The following RIN3 variants were observed in gnomAD, a reference collection of about 807,000 sequenced individuals.
RIN3 encodes the protein RAB5 interacting protein 3.
In RIN3, 54 loss-of-function variants were observed where a neutral mutation model predicts 76.3. The observed-to-expected ratio is 0.71, with a 90% CI of 0.57 to 0.89. The LOEUF is 0.89. Among genes scored for constraint, RIN3 ranks in the 40% least tolerant of loss-of-function variants. The pLI is 0.00. For synonymous variants in RIN3, 576 were observed against 564.0 expected (o/e 1.02, Z -0.30); for missense variants, 1,256 against 1,322.1 (o/e 0.95, Z 0.78).
At chr14:92,594,158 C>A (rs925797484) in intron 3 of RIN3, among the ~76,000 whole-genome samples, 1 of 151,670 alleles carries the variant, frequency 6.6e-6, no homozygotes, top group Non-Finnish European at 1.5e-5. Flanking sequence ...TCAGGCCAGG[C>A]ATGGTGGCTC....
rs113646355 is a variant in RIN3, at chr14:92,561,795, G to A, written c.249+5840G>A. The stretch of plus-strand genomic sequence containing the variant: ...CCTCCTAGGCTCAAGTGATTCTCCT[G>A]CCTCAGCTTCCTGAGTAGCTGGGAT... On this transcript the variant is annotated intron_variant, in intron 2 of 9. Transcript: ENST00000216487. 8.6e-3 allele frequency among the ~76,000 whole-genome samples: 1,316 copies of A among 152,222 alleles called. 15 individuals are homozygous for A. Among genetic ancestry groups the A allele is most frequent in the Non-Finnish European group, 0.011 (780 of 67,998 alleles).
intron 3 of RIN3, among the ~76,000 whole-genome samples, chr14:92,605,178 T>G (rs948106114): frequency 7.2e-5 from 11 of 152,148 alleles, no homozygotes; most frequent in African/African-American, 2.7e-4. Context: ...CCCAAAGTGC[T>G]AGGATTACAG....
chr14:92,675,996 A>G (rs1319241625), intron 7 of RIN3, among the ~76,000 whole-genome samples: 1 of 152,172 alleles, frequency 6.6e-6, no homozygotes, highest in Non-Finnish European at 1.5e-5. Flanking sequence ...CGCCAAAAAA[A>G]GGAAGAAGGC....
At chr14:92,658,217 A>G (rs1160832269) in intron 6 of RIN3, among the ~76,000 whole-genome samples, 17 of 152,206 alleles carry the variant, frequency 1.1e-4, no homozygotes, top group Admixed American at 1.1e-3. Context: ...CAGAGCGCCA[A>G]CTCCTGCTCC....
chr14:92,628,628 T>G (rs901536431), intron 4 of RIN3, among the ~76,000 whole-genome samples: 13 of 152,206 alleles, frequency 8.5e-5, no homozygotes, highest in African/African-American at 3.1e-4. Flanking sequence ...TTCCGTGAAC[T>G]TTAATGATAG....
chr14:92,555,710 G>C, intron 1 of RIN3, 41 bp from the exon 2 acceptor site: 1 of 1,600,324 alleles, frequency 6.2e-7, no homozygotes, highest in Non-Finnish European at 8.6e-7. Context: ...CCTTCTCTGG[G>C]CTGGCTGCAG....
intron 1 of RIN3, among the ~76,000 whole-genome samples, chr14:92,538,104 C>T (rs975052319): frequency 2.0e-5 from 3 of 152,066 alleles, no homozygotes; most frequent in Non-Finnish European, 4.4e-5. Context: ...GGATTACAGG[C>T]TTGAGCCACC....
At chr14:92,619,431 T>C (rs1886089461) in intron 4 of RIN3, among the ~76,000 whole-genome samples, 1 of 136,140 alleles carries the variant, frequency 7.3e-6, no homozygotes, top group African/African-American at 2.7e-5. Context: ...CTGTTTCTAG[T>C]AGTCTTTTTT....
At chr14:92,537,492 G>A (rs1039549804) in intron 1 of RIN3, among the ~76,000 whole-genome samples, 1 of 152,134 alleles carries the variant, frequency 6.6e-6, no homozygotes, top group Non-Finnish European at 1.5e-5. Context: ...ACATGCAACT[G>A]TACGTATAAG....
At chr14:92,533,574 G>A (rs562023635) in intron 1 of RIN3, among the ~76,000 whole-genome samples, 1 of 152,270 alleles carries the variant, frequency 6.6e-6, no homozygotes, top group South Asian at 2.1e-4. Flanking sequence ...GCAGCAACCT[G>A]GATGGAACTG....
At chr14:92,536,399 A>G (rs1173432398) in intron 1 of RIN3, among the ~76,000 whole-genome samples, 1 of 152,174 alleles carries the variant, frequency 6.6e-6, no homozygotes, top group Non-Finnish European at 1.5e-5. Context: ...ATAAGCACTC[A>G]TCAGTAGGAA....
At chr14:92,613,260 T>G (rs542467244) in intron 3 of RIN3, among the ~76,000 whole-genome samples, 1 of 151,976 alleles carries the variant, frequency 6.6e-6, no homozygotes, top group African/African-American at 2.4e-5. Context: ...GTGGAAGGAG[T>G]CGGCAATGCA....
At position 92,688,176 on chromosome 14, in the gene RIN3, G is replaced by C; in HGVS notation, c.2882G>C (p.Arg961Pro). The change falls in exon 10 of 10, where the codon CGG becomes CCG. Residue 961 changes from arginine (R) to proline (P), a missense_variant. Arg to Pro is a moderately radical substitution (Grantham distance 103). This residue lies in a region of RIN3 where 218 missense variants were observed against 174.5 expected (regional missense o/e 1.25). Transcript: ENST00000216487. The stretch of plus-strand genomic sequence containing the variant: ...AAGCGCGACTTCCACTTTGTCTACC[G>C]GCCCCTGGACGGTGGTGGCGGCGGC... The part of the protein sequence containing the change: ...EPKRDFHFVY[R>P]PLDGGGGGGG... 1 of 1,595,962 alleles carries C rather than the reference G, an allele frequency of 6.3e-7. No individual in the cohort carries two copies. Among genetic ancestry groups the C allele is most frequent in the South Asian group, 1.1e-5 (1 of 90,420 alleles).
intron 1 of RIN3, among the ~76,000 whole-genome samples, chr14:92,516,624 C>G (rs952847166): frequency 6.6e-6 from 1 of 152,166 alleles, no homozygotes; most frequent in African/African-American, 2.4e-5. Context: ...CCTGCCCCCC[C>G]ACCCCGAGAA....
chr14:92,651,639 C>G lies in RIN3; in HGVS notation c.590C>G (p.Pro197Arg). 6.2e-7 allele frequency: 1 copy of G among 1,613,774 alleles called. No homozygotes were observed. Among genetic ancestry groups the G allele is most frequent in the Non-Finnish European group, 8.5e-7 (1 of 1,179,790 alleles). Residue 197 changes from proline to arginine, a missense_variant, in exon 6 of 10, where the codon CCA becomes CGA. By Grantham distance (103) the Pro-to-Arg change is moderately radical. Around this residue, in one of 3 missense-constraint regions of RIN3, gnomAD observed 610 missense variants for 626.4 expected, o/e 0.97. Coordinates refer to ENST00000216487, the MANE Select transcript of RIN3 (RefSeq NM_024832.5). Reference protein sequence around the residue: ...PQERGKPAEPPRDRAPGFPLV... With the variant: ...PQERGKPAEPRRDRAPGFPLV... ...GAAAGAGGGAAGCCAGCAGAGCCCCCAAGAGACCGGGCCCCCGGATTCCCC... is the reference window on the plus strand; with the variant it reads ...GAAAGAGGGAAGCCAGCAGAGCCCCGAAGAGACCGGGCCCCCGGATTCCCC...
chr14:92,526,614 G>A lies in RIN3; in HGVS notation c.44+12638G>A, dbSNP rs542305051. Among the ~76,000 whole-genome samples the A allele has an allele frequency of 4.6e-5, 7 of 152,246 alleles. No homozygotes were observed. The East Asian group carries it at 7.7e-4, about 17-fold the overall frequency. ...CTAAAAATACAAAAATTAGCTGGGC[G>A]TGGTGGCGTGTGCCTGTAGTTCCAG... On this transcript the variant is annotated intron_variant, in intron 1 of 9. Transcript: ENST00000216487.
At chr14:92,582,055 G>GT (rs926916004) in intron 3 of RIN3, among the ~76,000 whole-genome samples, 2 of 152,172 alleles carry the variant, frequency 1.3e-5, no homozygotes, top group Non-Finnish European at 2.9e-5. Flanking sequence ...AGGGGGAGGT[G>GT]TTTTTCTAAA....
At chr14:92,651,314 G>A (rs1407054829) in intron 5 of RIN3, among the ~76,000 whole-genome samples, 1 of 152,164 alleles carries the variant, frequency 6.6e-6, no homozygotes, top group Non-Finnish European at 1.5e-5. Context: ...CACCAAGGAA[G>A]AGAACTGAAG....
intron 4 of RIN3, among the ~76,000 whole-genome samples, chr14:92,634,168 G>A (rs1431054350): frequency 6.6e-6 from 1 of 150,530 alleles, no homozygotes; most frequent in African/African-American, 2.4e-5. Flanking sequence ...TCCGCCTCCT[G>A]GGTTCAAGCA....
Sources: gnomAD v4.1 joint callset for allele counts (sites outside exome capture counted in the v4.1 genomes callset) on GRCh38, gnomAD v4.1.1 for gene constraint, gnomAD v4.1.1 regional missense constraint, MANE v1.5 for transcripts, NCBI Gene and HGNC (gene_info 2026-07-23, HGNC 2026-07-21) for gene names.